TENM3: variants seen among roughly 807,000 people sequenced by gnomAD.
TENM3 encodes teneurin-3.
Under a neutral mutation model 255.1 loss-of-function variants are expected in TENM3, and 63 were observed. The ratio of observed to expected loss-of-function variants is 0.25; its 90% CI spans 0.20 to 0.30. The LOEUF (loss-of-function observed/expected upper bound fraction) is 0.30, where lower values mean the gene tolerates loss of function less well. Ranked by LOEUF, TENM3 falls within the 10% of genes least tolerant of loss-of-function variation. The probability of loss-of-function intolerance (pLI) is 1.00; values close to 1 mark genes in which losing one functional copy is unlikely to be tolerated. For missense variants in TENM3, 2,929 were observed against 3,461.1 expected, an observed-to-expected ratio of 0.85 and a Z score of 3.86; for synonymous variants, 1,306 against 1,322.3, an observed-to-expected ratio of 0.99 and a Z score of 0.27.
At chr4:181,725,157 G>A in the TENM3 span, among the ~76,000 whole-genome samples, 1 of 152,002 alleles carries the variant, frequency 6.6e-6, no homozygotes, top group Admixed American at 6.6e-5. Context: ...AGCATCCCTG[G>A]GCCTACAAAA....
At chr4:181,708,953 TAAAAG>T in the TENM3 span, among the ~76,000 whole-genome samples, 1 of 152,152 alleles carries the variant, frequency 6.6e-6, no homozygotes, top group Admixed American at 6.5e-5. Flanking sequence ...GAATCCAACT[TAAAAG>T]AACTTTCAAA....
intron 5 of TENM3, among the ~76,000 whole-genome samples, chr4:182,640,342 G>A (rs1400625231): frequency 6.6e-6 from 1 of 152,118 alleles, no homozygotes; most frequent in Non-Finnish European, 1.5e-5. Flanking sequence ...AAAATGCTGT[G>A]GGGCTTTTCC....
chr4:181,539,470 A>G, the TENM3 span, among the ~76,000 whole-genome samples: 7 of 152,354 alleles, frequency 4.6e-5, no homozygotes, highest in Admixed American at 3.9e-4. Flanking sequence ...AAGCAAAAAC[A>G]TAACACTGTC....
chr4:182,739,538 G>C (rs1761441219), intron 18 of TENM3, among the ~76,000 whole-genome samples: 1 of 152,194 alleles, frequency 6.6e-6, no homozygotes, highest in Non-Finnish European at 1.5e-5. Flanking sequence ...TGACTTTGCA[G>C]AGGTTTTTGG....
the TENM3 span, among the ~76,000 whole-genome samples, chr4:182,115,815 C>T: frequency 2.6e-5 from 4 of 151,936 alleles, no homozygotes; most frequent in African/African-American, 4.8e-5. Context: ...CCAGCACTCT[C>T]ATGTTATCAA....
At chr4:182,205,510 GC>G (rs2149852540) in intron 1 of TENM3, among the ~76,000 whole-genome samples, 1 of 152,218 alleles carries the variant, frequency 6.6e-6, no homozygotes, top group Non-Finnish European at 1.5e-5. Flanking sequence ...TTTCCTCAGG[GC>G]CCCCCAGGTG....
chr4:182,604,167 C>T (rs972045457), intron 4 of TENM3, among the ~76,000 whole-genome samples: 5 of 152,158 alleles, frequency 3.3e-5, no homozygotes, highest in African/African-American at 1.2e-4. Flanking sequence ...TTAACATTTG[C>T]TCCTGCTGGA....
intron 1 of TENM3, among the ~76,000 whole-genome samples, chr4:182,253,021 T>C (rs1393174887): frequency 6.6e-6 from 1 of 152,192 alleles, no homozygotes; most frequent in Non-Finnish European, 1.5e-5. Flanking sequence ...GACACGAAAC[T>C]ACCTCTGAAA....
chr4:182,618,071 A>G (rs1442573461), intron 4 of TENM3, among the ~76,000 whole-genome samples: 1 of 152,192 alleles, frequency 6.6e-6, no homozygotes, highest in Non-Finnish European at 1.5e-5. Context: ...ACTATATAAA[A>G]CATTGAAGGA....
rs1219940820 is a variant in TENM3 at position 182,753,492 on chromosome 4, G to C, written c.3905G>C (p.Gly1302Ala). The C allele has an allele frequency of 6.2e-7, 1 of 1,613,734 alleles. No homozygotes were observed. The highest frequency in any genetic ancestry group is 1.3e-5 in the African/African-American group (1 of 74,922). Residue 1302 changes from glycine (G) to alanine (A), a missense_variant, in exon 21 of 28, where the codon GGA becomes GCA. Gly to Ala is a moderately conservative substitution (Grantham distance 60, BLOSUM62 0). This residue lies in a region of TENM3 where 1,608 missense variants were observed against 1,884.4 expected (regional missense o/e 0.85). Coordinates refer to ENST00000511685, the MANE Select transcript of TENM3 (RefSeq NM_001080477.4). ...DKNGLIYFVDGTMIRKVDQNG... is the reference protein window; with the variant it reads ...DKNGLIYFVDATMIRKVDQNG... ...AATGGATTAATCTACTTTGTTGATG[G>C]AACCATGATTAGGAAAGTTGACCAA...
Position 182,738,563 on chromosome 4 carries a change from A to C in TENM3, c.3379+19A>C. ...CAGAACGGTAAGCTCTTGTTCATAG[A>C]TAACTGATGTTGTAATGTATTGTTC... On this transcript the variant is annotated intron_variant, in intron 18 of 27. Transcript: ENST00000511685. 1 of 1,598,684 alleles carries C rather than the reference A, an allele frequency of 6.3e-7. No homozygotes were observed. The highest frequency in any genetic ancestry group is 8.5e-7 in the Non-Finnish European group (1 of 1,172,478).
the TENM3 span, among the ~76,000 whole-genome samples, chr4:181,712,656 C>T: frequency 2.0e-5 from 3 of 152,112 alleles, no homozygotes; most frequent in Non-Finnish European, 4.4e-5. Flanking sequence ...ATTTTTCGCT[C>T]TCTTGGGAAA....
chr4:181,822,876 G>C, the TENM3 span, among the ~76,000 whole-genome samples: 2,844 of 152,224 alleles, frequency 0.019, 80 homozygotes, highest in African/African-American at 0.064. Flanking sequence ...CTACAAAATT[G>C]TAGAAAAAAT....
chr4:181,796,029 T>A, the TENM3 span, among the ~76,000 whole-genome samples: 81 of 152,144 alleles, frequency 5.3e-4, no homozygotes, highest in Non-Finnish European at 1.0e-3. Context: ...ATCTGAGTAT[T>A]TGGCAATTGA....
chr4:182,296,849 T>G (rs1761530456), intron 1 of TENM3, among the ~76,000 whole-genome samples: 1 of 152,210 alleles, frequency 6.6e-6, no homozygotes, highest in African/African-American at 2.4e-5. Flanking sequence ...TAATTTGCCC[T>G]TAGTTTTCTG....
chr4:181,880,448 A>C, the TENM3 span, among the ~76,000 whole-genome samples: 1 of 152,212 alleles, frequency 6.6e-6, no homozygotes, highest in Non-Finnish European at 1.5e-5. Context: ...ATACAGAAAA[A>C]GGTTTAAAAA....
rs151333739 is a variant in TENM3, at chr4:182,723,844, CAG to C, written c.2369-5118_2369-5117del. Among the ~76,000 whole-genome samples, 1,001 of 152,226 alleles carry C rather than the reference CAG, an allele frequency of 6.6e-3. 13 individuals are homozygous for C. Among genetic ancestry groups the C allele is most frequent in the African/African-American group, 0.023 (963 of 41,526 alleles). Reference sequence around the variant, plus strand: ...TGCCCATTCATTGACATATTGAAGGCAGAGTTGAACAGTCGCCATAGAGACTA... The same window carrying C: ...TGCCCATTCATTGACATATTGAAGGCAGTTGAACAGTCGCCATAGAGACTA... On this transcript the variant is annotated intron_variant, in intron 13 of 27. Coordinates refer to ENST00000511685, the MANE Select transcript of TENM3 (RefSeq NM_001080477.4).
intron 12 of TENM3, among the ~76,000 whole-genome samples, chr4:182,703,260 A>G (rs1278878699): frequency 6.6e-6 from 1 of 152,256 alleles, no homozygotes; most frequent in Non-Finnish European, 1.5e-5. Flanking sequence ...TTTTTTATCC[A>G]GGAAATGTTA....
the TENM3 span, among the ~76,000 whole-genome samples, chr4:182,023,167 C>T: frequency 6.6e-6 from 1 of 152,142 alleles, no homozygotes; most frequent in Non-Finnish European, 1.5e-5. Context: ...TTCTTGGCTT[C>T]CATTTATTTA....
Sources: allele counts gnomAD v4.1 joint callset (sites outside exome capture counted in the v4.1 genomes callset), GRCh38; gene constraint gnomAD v4.1.1; regional missense constraint gnomAD v4.1.1; transcripts MANE v1.5; gene names NCBI Gene and HGNC (gene_info 2026-07-23, HGNC 2026-07-21).